SPOCK3: variants seen among roughly 807,000 people sequenced by gnomAD.
SPOCK3 encodes SPARC (osteonectin), cwcv and kazal like domains proteoglycan 3, also known as testican-3.
A neutral mutation model predicts 56.6 loss-of-function variants in SPOCK3; 30 were observed. The ratio of observed to expected loss-of-function variants is 0.53; its 90% confidence interval spans 0.40 to 0.72. SPOCK3 has a LOEUF of 0.72. SPOCK3 is among the 30% of genes least tolerant of loss of function. The probability of loss-of-function intolerance (pLI) is 0.00; values close to 1 mark genes in which losing one functional copy is unlikely to be tolerated. For synonymous variants in SPOCK3, 196 were observed against 183.3 expected (o/e 1.07, Z -0.56); for missense variants, 527 against 530.0 (o/e 0.99, Z 0.06).
At chr4:166,863,841 C>T (rs551471674) in intron 6 of SPOCK3, among the ~76,000 whole-genome samples, 3 of 152,204 alleles carry the variant, frequency 2.0e-5, no homozygotes, top group East Asian at 3.9e-4. Flanking sequence ...TAGTGAGAGA[C>T]TTTAAGACCT....
intron 2 of SPOCK3, among the ~76,000 whole-genome samples, chr4:167,224,187 T>C (rs1203214943): frequency 6.6e-6 from 1 of 152,172 alleles, no homozygotes; most frequent in East Asian, 1.9e-4. Context: ...ATTTTTATTA[T>C]CTTTGTCATC....
chr4:167,045,940 T>A (rs1166251666), intron 3 of SPOCK3, among the ~76,000 whole-genome samples: 4 of 152,044 alleles, frequency 2.6e-5, no homozygotes, highest in Non-Finnish European at 5.9e-5. Context: ...AATTATATCA[T>A]TTTCCTTGTC....
intron 2 of SPOCK3, among the ~76,000 whole-genome samples, chr4:167,204,183 G>A (rs1561319323): frequency 6.6e-6 from 1 of 151,904 alleles, no homozygotes; most frequent in Non-Finnish European, 1.5e-5. Flanking sequence ...CCTTCCCAAT[G>A]GCTGGAATAT....
intron 4 of SPOCK3, among the ~76,000 whole-genome samples, chr4:166,986,590 G>A (rs1012225186): frequency 6.6e-6 from 1 of 151,980 alleles, no homozygotes; most frequent in Non-Finnish European, 1.5e-5. Context: ...CCTGAATCCT[G>A]CGATGTGTAT....
intron 7 of SPOCK3, among the ~76,000 whole-genome samples, chr4:166,769,454 C>T (rs549294904): frequency 6.6e-6 from 1 of 152,308 alleles, no homozygotes; most frequent in East Asian, 1.9e-4. Flanking sequence ...GAGGTCCACT[C>T]CAGACCCTGT....
At chr4:166,954,150 T>C (rs571841760) in intron 4 of SPOCK3, among the ~76,000 whole-genome samples, 2 of 152,348 alleles carry the variant, frequency 1.3e-5, no homozygotes, top group African/African-American at 4.8e-5. Flanking sequence ...TCTATTGAGT[T>C]ATCTGAGTTC....
chr4:167,001,095 G>A (rs146716994), intron 3 of SPOCK3, among the ~76,000 whole-genome samples: 3 of 152,162 alleles, frequency 2.0e-5, no homozygotes, highest in East Asian at 1.9e-4. Flanking sequence ...GTGAAATGTC[G>A]ACGGTTTCAT....
In SPOCK3 at chr4:167,203,198, T is replaced by C. The variant is rs184998838; in HGVS notation, c.189+30787A>G. ...TTTTAGTAAGGCTTATGAGTAGTAT[T>C]ACTACAGTAATATAAGGTCATGAAA... On this transcript the variant is annotated intron_variant, in intron 2 of 10. Coordinates refer to ENST00000357545, the MANE Select transcript of SPOCK3 (RefSeq NM_001040159.2). Among the ~76,000 whole-genome samples, 1,429 of 152,066 alleles carry C rather than the reference T, an allele frequency of 9.4e-3. 15 individuals carry two copies. The highest frequency in any genetic ancestry group is 0.013 in the Non-Finnish European group (891 of 67,900).
intron 3 of SPOCK3, among the ~76,000 whole-genome samples, chr4:167,059,903 C>T (rs986898528): frequency 6.7e-6 from 1 of 149,940 alleles, no homozygotes; most frequent in African/African-American, 2.5e-5. Flanking sequence ...ATCGCAAGAA[C>T]AAAAAACCAA....
chr4:167,078,090 T>C (rs1304427196), intron 2 of SPOCK3, among the ~76,000 whole-genome samples: 1 of 151,880 alleles, frequency 6.6e-6, no homozygotes, highest in Non-Finnish European at 1.5e-5. Context: ...CCTTCCTTAG[T>C]TTGACATGAT....
chr4:166,855,238 T>C (rs1296275907), intron 6 of SPOCK3, among the ~76,000 whole-genome samples: 1 of 152,100 alleles, frequency 6.6e-6, no homozygotes, highest in Non-Finnish European at 1.5e-5. Flanking sequence ...ATTTTTATGA[T>C]CTTGACATTT....
rs147798852 is a variant in SPOCK3 at position 166,878,171 on chromosome 4, C to G, written c.589+10959G>C. 2.0e-3 allele frequency among the ~76,000 whole-genome samples: 298 copies of G among 152,190 alleles called. 3 individuals are homozygous for G. Among genetic ancestry groups the G allele is most frequent in the Non-Finnish European group, 1.8e-3 (121 of 68,004 alleles). The stretch of plus-strand genomic sequence containing the variant: ...GCACATGCCTGTAATCCCAGCTATT[C>G]AGGAGGCTGAGGCAGGAGAATTGCT... On this transcript the variant is annotated intron_variant, in intron 6 of 10. Transcript: ENST00000357545.
Position 167,085,651 on chromosome 4 carries a change from A to C in SPOCK3, c.190-23114T>G, listed in dbSNP as rs79364167. Among the ~76,000 whole-genome samples, 3 of 152,220 alleles carry C rather than the reference A, an allele frequency of 2.0e-5. No homozygotes were observed. The East Asian group carries it at 5.8e-4, about 29-fold the overall frequency. On this transcript the variant is annotated intron_variant, in intron 2 of 10. Transcript: ENST00000357545. Reference sequence around the variant, plus strand: ...GAGAAGAGAATCATTCTAAATATACATTCTAGGAATGACTGGATTTTCATG... The same window carrying C: ...GAGAAGAGAATCATTCTAAATATACCTTCTAGGAATGACTGGATTTTCATG...
At chr4:166,903,353 C>T (rs955221794) in intron 5 of SPOCK3, among the ~76,000 whole-genome samples, 7 of 151,698 alleles carry the variant, frequency 4.6e-5, no homozygotes, top group Non-Finnish European at 8.8e-5. Context: ...CTTGCCTGAC[C>T]TCTGCTCAGC....
chr4:167,049,369 A>C (rs1265676200), intron 3 of SPOCK3, among the ~76,000 whole-genome samples: 1 of 152,180 alleles, frequency 6.6e-6, no homozygotes, highest in Non-Finnish European at 1.5e-5. Context: ...ATACTGTCTA[A>C]AGATTGGAAG....
At chr4:166,912,840 G>T in intron 4 of SPOCK3, 97 bp from the exon 5 acceptor site, 1 of 966,862 alleles carries the variant, frequency 1.0e-6, no homozygotes, top group Non-Finnish European at 1.4e-6. Context: ...TCCAACTCCT[G>T]AAGATACATT....
chr4:166,741,973 TC>T (rs1269134233), intron 9 of SPOCK3, 23 bp downstream of exon 9: 1 of 1,556,662 alleles, frequency 6.4e-7, no homozygotes, highest in Non-Finnish European at 8.9e-7. Context: ...AATAAAGCCT[TC>T]AGAAGAATGA....
intron 2 of SPOCK3, among the ~76,000 whole-genome samples, chr4:167,159,733 A>G (rs963334854): frequency 1.3e-5 from 2 of 152,190 alleles, no homozygotes; most frequent in African/African-American, 4.8e-5. Flanking sequence ...AGGCTGATTC[A>G]ACATACGCAA....
At chr4:167,167,451 T>G (rs1283315314) in intron 2 of SPOCK3, among the ~76,000 whole-genome samples, 1 of 152,184 alleles carries the variant, frequency 6.6e-6, no homozygotes, top group Non-Finnish European at 1.5e-5. Context: ...TTTGGTGTAA[T>G]TACCTTGAGT....
Sources: gnomAD v4.1 joint callset for allele counts (sites outside exome capture counted in the v4.1 genomes callset) on GRCh38, gnomAD v4.1.1 for gene constraint, MANE v1.5 for transcripts, NCBI Gene and HGNC (gene_info 2026-07-23, HGNC 2026-07-21) for gene names.